RBM10: variants seen among roughly 807,000 people sequenced by gnomAD.
RBM10 encodes the protein RNA-binding protein 10.
A neutral mutation model predicts 84.9 loss-of-function variants in RBM10; 1 was observed. The observed-to-expected ratio is 0.01, with a 90% CI of 0.00 to 0.06. RBM10 has a LOEUF of 0.06. Among genes scored for constraint, RBM10 ranks in the 10% least tolerant of loss-of-function variants. The pLI is 1.00. For synonymous variants in RBM10, 326 were observed against 344.5 expected, an observed-to-expected ratio of 0.95 and a Z score of 0.60; for missense variants, 438 against 839.0, an observed-to-expected ratio of 0.52 and a Z score of 5.90.
chrX:47,159,408 CAAA>C (rs782318170), intron 2 of RBM10, among the ~76,000 whole-genome samples: 2 of 38,004 alleles, frequency 5.3e-5, no homozygotes, highest in African/African-American at 7.7e-5. Flanking sequence ...AACTCCGTCT[CAAA>C]AAAAAAAAAA....
chrX:47,151,904 C>CT (rs1337002648), intron 2 of RBM10, among the ~76,000 whole-genome samples: 2 of 112,387 alleles, frequency 1.8e-5, no homozygotes, highest in Non-Finnish European at 3.8e-5. Flanking sequence ...AAATCCTGTG[C>CT]TTTTTTTCTC....
At chrX:47,180,178 G>C (rs2147176114) in intron 10 of RBM10, 34 bp from the exon 11 acceptor site, 1 of 1,180,080 alleles carries the variant, frequency 8.5e-7, no homozygotes, top group South Asian at 1.8e-5. Context: ...CCCCGGGCCT[G>C]ACCCTTCTGT....
chrX:47,145,582 C>T lies in RBM10; in HGVS notation c.-126+97C>T, dbSNP rs1480383359. ...CGGACTTCGGGTCGGGGGAGATGCG[C>T]GGAACGGAGGGGTTGGTGCAATGTC... is the stretch of plus-strand genomic sequence containing the variant. On this transcript the variant is annotated intron_variant, in intron 1 of 23. Transcript: ENST00000377604. The T allele has an allele frequency of 8.1e-5, 51 of 627,757 alleles. No individual in the cohort carries two copies. In the Admixed American group the frequency reaches 1.4e-3, roughly 18 times the overall value. 51.7% of individuals were successfully genotyped at this position (627,757 alleles called of 1,213,427 possible). A position where few individuals can be genotyped will look rare whatever the true frequency, so the allele number is the denominator to read the frequency against.
Position 47,186,193 on chromosome X carries a change from G to A in RBM10, c.2537+22G>A, listed in dbSNP as rs782114390. 3.7e-5 allele frequency: 45 copies of A among 1,210,902 alleles called. No homozygotes were observed. In the Admixed American group the frequency reaches 7.2e-4, roughly 19 times the overall value. On this transcript the variant is annotated intron_variant, in intron 22 of 23. Coordinates refer to ENST00000377604, the MANE Select transcript of RBM10 (RefSeq NM_005676.5). ...CTGTGTGAGTGGCTGGGCCAGGTGA[G>A]GGGGTCTGGAGCCCGGGGCCGGGGC...
At chrX:47,161,360 G>A (rs1933663437) in intron 2 of RBM10, among the ~76,000 whole-genome samples, 3 of 111,221 alleles carry the variant, frequency 2.7e-5, no homozygotes, top group African/African-American at 9.8e-5. Context: ...CCCCTTGTTA[G>A]TTTGAAATAT....
At position 47,153,974 on chromosome X, in the gene RBM10, C is replaced by T. The variant is rs898249387; in HGVS notation, c.17+6476C>T. Among the ~76,000 whole-genome samples the T allele has an allele frequency of 9.9e-5, 11 of 111,099 alleles. No homozygotes were observed. The Admixed American group carries it at 1.1e-3, about 11-fold the overall frequency. On this transcript the variant is annotated intron_variant, in intron 2 of 23. Transcript: ENST00000377604. ...TCAGGAGGCTGAGGCAGGAGGATTA[C>T]CTGAGTCTGGGAGGTTGAGACTGTG...
Position 47,165,804 on chromosome X carries a change from G to A in RBM10, c.18-3511G>A, listed in dbSNP as rs1223394679. Among the ~76,000 whole-genome samples the A allele has an allele frequency of 8.1e-5, 9 of 111,270 alleles. No homozygotes were observed. In the Admixed American group the frequency reaches 8.6e-4, roughly 11 times the overall value. On this transcript the variant is annotated intron_variant, in intron 2 of 23. Coordinates refer to ENST00000377604, the MANE Select transcript of RBM10 (RefSeq NM_005676.5). ...TGGGAGACCAAGGTGGGCAGATCAC[G>A]AGGTCAGGAGTTCGAGACCAGCCTG...
chrX:47,172,519 T>C (rs782526853), intron 4 of RBM10, among the ~76,000 whole-genome samples: 3 of 112,232 alleles, frequency 2.7e-5, no homozygotes, highest in South Asian at 7.3e-4. Context: ...CCTCTGCAGT[T>C]TCCCTCTGGC....
chrX:47,181,456 C>T (rs2147187143), intron 13 of RBM10, 51 bp from the exon 14 acceptor site: 3 of 1,209,066 alleles, frequency 2.5e-6, no homozygotes, highest in Non-Finnish European at 3.4e-6. Context: ...GGCATAAAGT[C>T]CCCGGCCCCA....
rs782753334 is a variant in RBM10, at chrX:47,147,275, G to C, written c.-125-82G>C. On this transcript the variant is annotated intron_variant, in intron 1 of 23. Coordinates refer to ENST00000377604, the MANE Select transcript of RBM10 (RefSeq NM_005676.5). ...TGTCCCTGGGCTAAGGGGCAGCGGA[G>C]AGCCTTGACAATAAGAGTTTCTCAA... 6.5e-5 allele frequency: 63 copies of C among 971,801 alleles called. No individual in the cohort carries two copies. In the African/African-American group the frequency reaches 1.1e-3, roughly 17 times the overall value. 80.1% of individuals were successfully genotyped at this position (971,801 alleles called of 1,213,427 possible).
intron 2 of RBM10, among the ~76,000 whole-genome samples, chrX:47,162,440 C>A (rs1556767044): frequency 1.8e-5 from 2 of 111,648 alleles, no homozygotes; most frequent in African/African-American, 6.5e-5. Flanking sequence ...TTGTATAGTA[C>A]AATACTATAT....
At chrX:47,185,011 G>T (rs782164204) in intron 17 of RBM10, 44 bp from the exon 18 acceptor site, 1 of 1,183,592 alleles carries the variant, frequency 8.4e-7, no homozygotes, top group Non-Finnish European at 1.1e-6. Context: ...GTAGCCCCAG[G>T]GTCATGAGGG....
rs1935838149 is a variant in RBM10 at position 47,185,506 on chromosome X, G to T, written c.2231G>T (p.Arg744Leu). ...GESDSEEEQE[R>L]GGPEREEKLT... ...AGTGACAGTGAGGAGGAGCAGGAGC[G>T]TGGGGGCCCTGAGCGGGAGGAGAAG... is the stretch of plus-strand genomic sequence containing the variant. The change falls in exon 20 of 24, where the codon CGT becomes CTT. Residue 744 changes from arginine (R) to leucine (L), a missense_variant. Arg to Leu is a moderately radical substitution (Grantham distance 102, BLOSUM62 -2). Transcript: ENST00000377604. The T allele has an allele frequency of 1.7e-6, 2 of 1,176,480 alleles. No homozygotes were observed. The highest frequency in any genetic ancestry group is 1.1e-6 in the Non-Finnish European group (1 of 877,528).
At chrX:47,183,538 AT>A (rs1556780820) in intron 17 of RBM10, among the ~76,000 whole-genome samples, 1 of 108,028 alleles carries the variant, frequency 9.3e-6, no homozygotes, top group African/African-American at 3.4e-5. Flanking sequence ...TATATATATT[AT>A]ATATATATAA....
In RBM10 at chrX:47,181,552, A is replaced by G. The variant is rs782149867; in HGVS notation, c.1481A>G (p.Gln494Arg). ...LEPGADSVSMQAFSRAQPGAA... is the reference protein window; with the variant it reads ...LEPGADSVSMRAFSRAQPGAA... ...CCTGGGGCCGACTCTGTGTCGATGC[A>G]GGCTTTCTCTCGCGCCCAGCCTGGT... The change falls in exon 14 of 24, where the codon CAG (glutamine) becomes CGG (arginine). Residue 494 changes from glutamine to arginine, a missense_variant. Physicochemically the swap from Gln to Arg is conservative, Grantham distance 43. Transcript: ENST00000377604. 6.6e-6 allele frequency: 8 copies of G among 1,210,048 alleles called. No individual in the cohort carries two copies. The Admixed American group carries it at 1.7e-4, about 26-fold the overall frequency.
chrX:47,175,780 C>T (rs1472806787), intron 6 of RBM10, among the ~76,000 whole-genome samples: 1 of 110,861 alleles, frequency 9.0e-6, no homozygotes, highest in Non-Finnish European at 1.9e-5. Flanking sequence ...AGCCTGTCCC[C>T]CAAGCCTGGC....
chrX:47,162,594 G>A (rs1488413523), intron 2 of RBM10, among the ~76,000 whole-genome samples: 1 of 111,484 alleles, frequency 9.0e-6, no homozygotes, highest in Non-Finnish European at 1.9e-5. Context: ...AGAGTATGGA[G>A]GCCGGGTGTG....
intron 7 of RBM10, 29 bp downstream of exon 7, chrX:47,176,615 T>C (rs1310072413): frequency 7.4e-6 from 9 of 1,209,615 alleles, no homozygotes; most frequent in Non-Finnish European, 8.9e-6. Context: ...GCAGTTGTCA[T>C]GGACAGAGAC....
At chrX:47,146,860 C>T (rs1328854224) in intron 1 of RBM10, among the ~76,000 whole-genome samples, 6 of 111,415 alleles carry the variant, frequency 5.4e-5, no homozygotes, top group African/African-American at 1.6e-4. Context: ...TGGTCTTTTG[C>T]TGCCTTATAG....
Sources: gnomAD v4.1 joint callset for allele counts (sites outside exome capture counted in the v4.1 genomes callset) on GRCh38, gnomAD v4.1.1 for gene constraint, MANE v1.5 for transcripts, NCBI Gene and HGNC (gene_info 2026-07-23, HGNC 2026-07-21) for gene names.